The following STK3 variants were observed in gnomAD, a reference collection of about 807,000 sequenced individuals.
STK3 encodes serine/threonine-protein kinase 3.
In STK3, 41 loss-of-function variants were observed where a neutral mutation model predicts 58.0. The ratio of observed to expected loss-of-function variants is 0.71; its 90% CI spans 0.55 to 0.92. STK3 has a LOEUF of 0.92. STK3 is among the 40% of genes least tolerant of loss of function. STK3 has a pLI of 0.00. For missense variants in STK3, 479 were observed against 602.7 expected, an observed-to-expected ratio of 0.79 and a Z score of 2.15; for synonymous variants, 170 against 191.0, an observed-to-expected ratio of 0.89 and a Z score of 0.91.
intron 3 of STK3, among the ~76,000 whole-genome samples, chr8:98,878,575 C>T (rs913383866): frequency 1.3e-5 from 2 of 152,050 alleles, no homozygotes; most frequent in African/African-American, 2.4e-5. Flanking sequence ...ATTAGCCAAT[C>T]GGAATTAGTT....
intron 3 of STK3, among the ~76,000 whole-genome samples, chr8:98,415,083 A>G (rs533263400): frequency 1.9e-3 from 283 of 152,292 alleles, no homozygotes; most frequent in Non-Finnish European, 1.5e-3. Context: ...GCTCTCATAA[A>G]AGGGCTTGAT....
At chr8:98,697,158 G>C (rs1295537526) in intron 6 of STK3, among the ~76,000 whole-genome samples, 3 of 152,198 alleles carry the variant, frequency 2.0e-5, no homozygotes, top group Admixed American at 2.0e-4. Flanking sequence ...GGTGTTTGTA[G>C]TATTCTCTGA....
intron 6 of STK3, among the ~76,000 whole-genome samples, chr8:98,704,845 T>C (rs558882340): frequency 1.3e-5 from 2 of 152,248 alleles, no homozygotes; most frequent in Non-Finnish European, 2.9e-5. Context: ...AGTCCTAAGT[T>C]AAATCCCAGC....
At chr8:98,737,489 A>T (rs1828701567) in intron 4 of STK3, among the ~76,000 whole-genome samples, 1 of 152,210 alleles carries the variant, frequency 6.6e-6, no homozygotes, top group Non-Finnish European at 1.5e-5. Flanking sequence ...AATAGAAAAT[A>T]AATAAGCAAA....
chr8:98,757,626 T>C (rs1214523654), intron 3 of STK3, among the ~76,000 whole-genome samples: 25 of 142,604 alleles, frequency 1.8e-4, no homozygotes, highest in Admixed American at 1.6e-3. Context: ...AGCCTACCAA[T>C]AGGCTCAGAC....
At chr8:98,515,672 A>T (rs941346977) in intron 10 of STK3, among the ~76,000 whole-genome samples, 1 of 151,944 alleles carries the variant, frequency 6.6e-6, no homozygotes, top group African/African-American at 2.4e-5. Flanking sequence ...CTGGGTTCAA[A>T]TTTTTGCTCT....
chr8:98,862,594 C>T (rs1181012049), intron 3 of STK3, among the ~76,000 whole-genome samples: 1 of 152,216 alleles, frequency 6.6e-6, no homozygotes, highest in Admixed American at 6.5e-5. Context: ...TGGCTCAATG[C>T]CAGACCGAAC....
At chr8:98,578,838 T>A (rs1236375642) in intron 8 of STK3, among the ~76,000 whole-genome samples, 2 of 152,068 alleles carry the variant, frequency 1.3e-5, no homozygotes, top group Non-Finnish European at 2.9e-5. Flanking sequence ...CAAAAAATAA[T>A]TAGCAAGGTA....
chr8:98,590,575 G>A (rs1815214928), intron 7 of STK3, among the ~76,000 whole-genome samples: 2 of 152,192 alleles, frequency 1.3e-5, no homozygotes, highest in South Asian at 2.1e-4. Context: ...GAGGACGGGG[G>A]ATTGATCTCC....
intron 6 of STK3, among the ~76,000 whole-genome samples, chr8:98,687,023 G>GA (rs1824051090): frequency 6.6e-6 from 1 of 152,080 alleles, no homozygotes; most frequent in South Asian, 2.1e-4. Flanking sequence ...ATATAATTCA[G>GA]AAAAAATTCC....
At chr8:98,344,700 C>T in the STK3 span, among the ~76,000 whole-genome samples, 15 of 151,498 alleles carry the variant, frequency 9.9e-5, no homozygotes, top group African/African-American at 3.4e-4. Flanking sequence ...GAGACCATCC[C>T]GGCTAAAACG....
chr8:98,855,746 T>C (rs2131839494), intron 3 of STK3, among the ~76,000 whole-genome samples: 1 of 152,248 alleles, frequency 6.6e-6, no homozygotes, highest in South Asian at 2.1e-4. Context: ...GCACAGTGAC[T>C]CACATCTCTC....
chr8:98,559,396 G>A (rs2131625019), intron 8 of STK3, among the ~76,000 whole-genome samples: 1 of 152,276 alleles, frequency 6.6e-6, no homozygotes, highest in East Asian at 1.9e-4. Context: ...GCTAAACGCA[G>A]TATTCCATGG....
chr8:98,422,835 C>T (rs1016004562), intron 3 of STK3, among the ~76,000 whole-genome samples: 6 of 152,226 alleles, frequency 3.9e-5, no homozygotes, highest in African/African-American at 1.4e-4. Flanking sequence ...CTCAGGGGCT[C>T]AACCTTGGCT....
At chr8:98,499,775 A>G (rs1285241410) in intron 10 of STK3, among the ~76,000 whole-genome samples, 1 of 152,218 alleles carries the variant, frequency 6.6e-6, no homozygotes, top group African/African-American at 2.4e-5. Flanking sequence ...TGTGTGTCCT[A>G]CAATTATATA....
chr8:98,377,249 C>T (rs1209773464), intron 2 of STK3, among the ~76,000 whole-genome samples: 8 of 152,178 alleles, frequency 5.3e-5, no homozygotes, highest in Admixed American at 4.6e-4. Context: ...AATGCATCAA[C>T]ATTGCTATTT....
intron 4 of STK3, among the ~76,000 whole-genome samples, chr8:98,738,519 G>C (rs895278979): frequency 1.3e-5 from 2 of 152,046 alleles, no homozygotes; most frequent in East Asian, 1.9e-4. Context: ...AAACTTATAA[G>C]AGAGATCAAG....
chr8:98,516,492 A>G (rs1824943473), intron 10 of STK3, among the ~76,000 whole-genome samples: 1 of 152,106 alleles, frequency 6.6e-6, no homozygotes, highest in Non-Finnish European at 1.5e-5. Context: ...ATTTTATAAT[A>G]AAAGATGGAA....
chr8:98,904,722 C>T (rs1838820223), intron 1 of STK3: 2 of 828,486 alleles, frequency 2.4e-6, no homozygotes, highest in East Asian at 4.0e-5. Flanking sequence ...TAACCGTAGC[C>T]CTCTCCAACT....
Sources: gnomAD v4.1 joint callset for allele counts (sites outside exome capture counted in the v4.1 genomes callset) on GRCh38, gnomAD v4.1.1 for gene constraint, MANE v1.5 for transcripts, NCBI Gene and HGNC (gene_info 2026-07-23, HGNC 2026-07-21) for gene names.